Variants in MOV10L1 observed in about 807,000 individuals in gnomAD.
The protein encoded by MOV10L1 is Mov10 like RNA helicase 1, also known as RNA helicase Mov10l1.
In MOV10L1, 110 loss-of-function variants were observed where a neutral mutation model predicts 143.8. That is an observed-to-expected ratio of 0.76 (90% CI 0.66 to 0.90). The LOEUF is 0.90. Among genes scored for constraint, MOV10L1 ranks in the 40% least tolerant of loss-of-function variants. The pLI, the probability that MOV10L1 is intolerant of heterozygous loss-of-function variation, is 0.00. For missense variants in MOV10L1, 1,406 were observed against 1,526.8 expected (o/e 0.92, Z 1.32); for synonymous variants, 593 against 581.1 (o/e 1.02, Z -0.29).
intron 1 of MOV10L1, chr22:50,090,682 G>GTA: frequency 2.4e-6 from 2 of 817,304 alleles, no homozygotes; most frequent in Non-Finnish European, 4.0e-6. Flanking sequence ...GTGTTTGTGT[G>GTA]TGTGTGTGTG....
chr22:50,120,384 TCTC>T, intron 9 of MOV10L1, 115 bp from the exon 10 acceptor site: 4 of 678,660 alleles, frequency 5.9e-6, no homozygotes. Flanking sequence ...TATCAGTTCT[TCTC>T]AGGAAATGGA....
At chr22:50,151,193 G>A (rs1453742432) in intron 21 of MOV10L1, among the ~76,000 whole-genome samples, 1 of 152,186 alleles carries the variant, frequency 6.6e-6, no homozygotes, top group Non-Finnish European at 1.5e-5. Flanking sequence ...AGTGACTGCA[G>A]GCAGTGTCTC....
intron 21 of MOV10L1, among the ~76,000 whole-genome samples, chr22:50,151,407 C>G (rs1338251486): frequency 6.6e-6 from 1 of 152,260 alleles, no homozygotes; most frequent in African/African-American, 2.4e-5. Flanking sequence ...GAAAAACAGT[C>G]TCCATCTGAT....
chr22:50,148,140 C>T (rs1046937877), intron 19 of MOV10L1, among the ~76,000 whole-genome samples: 2 of 152,224 alleles, frequency 1.3e-5, no homozygotes, highest in Admixed American at 6.5e-5. Flanking sequence ...GCAGTGAGGA[C>T]GGTGCGGGCC....
intron 19 of MOV10L1, among the ~76,000 whole-genome samples, chr22:50,146,154 G>GGA (rs199857157): frequency 2.0e-5 from 3 of 147,624 alleles, no homozygotes; most frequent in East Asian, 2.0e-4. Flanking sequence ...GGGGAGGCCT[G>GGA]GCGGGCTGTG....
At chr22:50,150,584 G>A (rs1046390289) in intron 20 of MOV10L1, 151 bp from the exon 21 acceptor site, 12 of 872,300 alleles carry the variant, frequency 1.4e-5, no homozygotes, top group Middle Eastern at 3.5e-4. Flanking sequence ...AAGCCCTGTC[G>A]GCATTCCCTG....
intron 5 of MOV10L1, among the ~76,000 whole-genome samples, chr22:50,110,252 A>G (rs976259550): frequency 1.3e-5 from 2 of 152,008 alleles, no homozygotes; most frequent in Non-Finnish European, 2.9e-5. Flanking sequence ...GATTGAAACC[A>G]TCCTGGCTAA....
intron 3 of MOV10L1, among the ~76,000 whole-genome samples, chr22:50,104,841 A>G (rs1027765640): frequency 2.0e-5 from 3 of 149,864 alleles, no homozygotes; most frequent in Non-Finnish European, 4.4e-5. Context: ...GTTGCATTTT[A>G]TGGTTGATGA....
intron 19 of MOV10L1, chr22:50,146,956 G>T: frequency 9.5e-7 from 1 of 1,051,636 alleles, no homozygotes; most frequent in South Asian, 1.4e-5. Context: ...TAGCCACTGT[G>T]CGGTGCCCGA....
intron 2 of MOV10L1, among the ~76,000 whole-genome samples, chr22:50,098,702 T>C (rs1247561783): frequency 6.6e-6 from 1 of 152,218 alleles, no homozygotes; most frequent in African/African-American, 2.4e-5. Flanking sequence ...TAAAGATAAT[T>C]GAAATTTGAA....
At position 50,152,499 on chromosome 22, in the gene MOV10L1, C is replaced by T. The variant is rs2063326989; in HGVS notation, c.2893-546C>T. Among the ~76,000 whole-genome samples the T allele has an allele frequency of 6.6e-6, 1 of 152,128 alleles. No individual in the cohort carries two copies. The highest frequency in any genetic ancestry group is 2.4e-5 in the African/African-American group (1 of 41,418). On this transcript the variant is annotated intron_variant, in intron 21 of 26. Coordinates refer to ENST00000262794, the MANE Select transcript of MOV10L1 (RefSeq NM_018995.3). The surrounding 1 kb of genome is among the most constrained non-coding windows in gnomAD (Gnocchi z 4.4). ...GTTGGAGGCAGACAGTAAAGGTGTC[C>T]CATGTACTGGTGATATCACAGTCAC...
At position 50,144,183 on chromosome 22, in the gene MOV10L1, G is replaced by A. The variant is rs746406984; in HGVS notation, c.2445G>A (p.Glu815=). 5.6e-6 allele frequency: 9 copies of A among 1,613,202 alleles called. No homozygotes were observed. Among genetic ancestry groups the A allele is most frequent in the Non-Finnish European group, 6.8e-6 (8 of 1,179,222 alleles). The part of the protein sequence containing the change: ...AADLVCLRLH[E]SKVLQPATMV... The stretch of plus-strand genomic sequence containing the variant: ...ACCTCGTGTGTCTGCGGCTGCACGA[G>A]AGCAAGGTGCTACAGCCGGCCACCA... Residue 815 remains glutamate, a synonymous_variant, in exon 18 of 27, where the codon GAG becomes GAA. Transcript: ENST00000262794.
At chr22:50,101,529 CTTTG>C (rs1341420280) in intron 3 of MOV10L1, among the ~76,000 whole-genome samples, 2 of 146,736 alleles carry the variant, frequency 1.4e-5, no homozygotes, top group Non-Finnish European at 3.0e-5. Context: ...TTTTTTTTTT[CTTTG>C]TTTGAGACAG....
intron 9 of MOV10L1, among the ~76,000 whole-genome samples, chr22:50,119,657 A>G (rs1489126396): frequency 6.7e-6 from 1 of 150,146 alleles, no homozygotes; most frequent in Non-Finnish European, 1.5e-5. Flanking sequence ...ATGCTTTCCA[A>G]ATACACCTCG....
At chr22:50,151,262 C>T (rs1261590294) in intron 21 of MOV10L1, among the ~76,000 whole-genome samples, 1 of 152,250 alleles carries the variant, frequency 6.6e-6, no homozygotes, top group African/African-American at 2.4e-5. Context: ...CTCAGCCAAC[C>T]TTGCACCAAA....
chr22:50,110,505 A>C (rs2061995311), intron 5 of MOV10L1, among the ~76,000 whole-genome samples: 3 of 151,296 alleles, frequency 2.0e-5, no homozygotes, highest in African/African-American at 7.3e-5. Context: ...TGGTTGACTG[A>C]AGGTGGAGTT....
chr22:50,133,467 AAAAAG>A (rs1216811422), intron 13 of MOV10L1, among the ~76,000 whole-genome samples: 34 of 150,818 alleles, frequency 2.3e-4, no homozygotes, highest in African/African-American at 3.4e-4. Context: ...AAAAAAAAAA[AAAAAG>A]AAAGAAAGAA....
Position 50,150,771 on chromosome 22 carries a change from G to T in MOV10L1, c.2764G>T (p.Val922Phe). Reference protein sequence around the residue: ...LAGDPMQLGPVIKSRLAMAYG... With the variant: ...LAGDPMQLGPFIKSRLAMAYG... ...AGGAGACCCCATGCAGCTCGGCCCAGTCATTAAGTCCAGACTCGCCATGGC... is the reference window on the plus strand; with the variant it reads ...AGGAGACCCCATGCAGCTCGGCCCATTCATTAAGTCCAGACTCGCCATGGC... Residue 922 changes from valine to phenylalanine, a missense_variant, in exon 21 of 27, where the codon GTC becomes TTC. By Grantham distance (50) the Val-to-Phe change is conservative (BLOSUM62 -1). Around this residue, in one of 3 missense-constraint regions of MOV10L1, gnomAD observed 1,233 missense variants for 1,351.4 expected, o/e 0.91. Transcript: ENST00000262794. The T allele has an allele frequency of 1.2e-6, 2 of 1,614,094 alleles. No homozygotes were observed. The highest frequency in any genetic ancestry group is 1.7e-6 in the Non-Finnish European group (2 of 1,180,016).
chr22:50,090,446 T>C (rs1171932532), intron 1 of MOV10L1: 1 of 1,603,154 alleles, frequency 6.2e-7, no homozygotes, highest in South Asian at 1.1e-5. Context: ...TTTGTGTGTT[T>C]ACGCCGAGCA....
Sources: gnomAD v4.1 joint callset for allele counts (sites outside exome capture counted in the v4.1 genomes callset) on GRCh38, gnomAD v4.1.1 for gene constraint, gnomAD v4.1.1 regional missense constraint, Gnocchi (gnomAD v3.1) non-coding constraint, MANE v1.5 for transcripts, NCBI Gene and HGNC (gene_info 2026-07-23, HGNC 2026-07-21) for gene names.